FGF14: variants seen among roughly 807,000 people sequenced by gnomAD.
FGF14 encodes fibroblast growth factor homologous factor 4.
FGF14 carries 5 observed loss-of-function variants against 25.5 expected under a neutral mutation model. The ratio of observed to expected loss-of-function variants is 0.20; its 90% CI spans 0.10 to 0.41. The LOEUF is 0.41. FGF14 is among the 10% of genes least tolerant of loss of function. FGF14 has a pLI of 1.00. For synonymous variants in FGF14, 138 were observed against 118.3 expected, an observed-to-expected ratio of 1.17 and a Z score of -1.08; for missense variants, 222 against 320.1, an observed-to-expected ratio of 0.69 and a Z score of 2.34.
At chr13:101,883,855 G>A (rs1056254592) in intron 1 of FGF14, among the ~76,000 whole-genome samples, 1 of 151,708 alleles carries the variant, frequency 6.6e-6, no homozygotes, top group African/African-American at 2.4e-5. Flanking sequence ...CTGAGGTCAG[G>A]AGTTCAACAC....
intron 1 of FGF14, among the ~76,000 whole-genome samples, chr13:102,081,709 A>G (rs190385383): frequency 2.0e-5 from 3 of 152,314 alleles, no homozygotes; most frequent in East Asian, 3.9e-4. Flanking sequence ...TTACATTACT[A>G]TGACATGTGT....
At chr13:102,294,176 T>C (rs1453859198) in intron 1 of FGF14, 1 of 152,232 alleles carries the variant, frequency 6.6e-6, no homozygotes, top group African/African-American at 2.4e-5. Context: ...CATAAATCTA[T>C]GAATGATCTG....
chr13:101,985,437 G>A (rs578101601), intron 1 of FGF14, among the ~76,000 whole-genome samples: 113 of 152,058 alleles, frequency 7.4e-4, no homozygotes, highest in Admixed American at 1.2e-3. Flanking sequence ...ATGTTCCATG[G>A]ACCATGTGTT....
At chr13:101,904,437 G>A (rs547241667) in intron 1 of FGF14, among the ~76,000 whole-genome samples, 1 of 152,290 alleles carries the variant, frequency 6.6e-6, no homozygotes, top group Non-Finnish European at 1.5e-5. Flanking sequence ...TTAAAAAAGA[G>A]AAGGAATAGC....
At chr13:102,014,911 ACATT>A (rs1466635294) in intron 1 of FGF14, among the ~76,000 whole-genome samples, 1 of 152,168 alleles carries the variant, frequency 6.6e-6, no homozygotes, top group Non-Finnish European at 1.5e-5. Flanking sequence ...ATTCTGCTAA[ACATT>A]CATTTATTTA....
intron 1 of FGF14, among the ~76,000 whole-genome samples, chr13:101,943,757 T>A (rs1001822807): frequency 4.7e-5 from 7 of 150,394 alleles, no homozygotes; most frequent in African/African-American, 1.7e-4. Flanking sequence ...GCGGATCACC[T>A]GAGTTCAGGA....
intron 3 of FGF14, among the ~76,000 whole-genome samples, chr13:101,850,463 T>TAA (rs2043716071): frequency 1.4e-4 from 1 of 7,216 alleles, no homozygotes; most frequent in African/African-American, 7.4e-4. Flanking sequence ...CTAAAGGCAA[T>TAA]ATATATATAT....
At chr13:102,306,700 A>G (rs2138628826) in intron 1 of FGF14, among the ~76,000 whole-genome samples, 1 of 152,312 alleles carries the variant, frequency 6.6e-6, no homozygotes, top group African/African-American at 2.4e-5. Flanking sequence ...GAATGAAGAA[A>G]GAAATTAGCA....
At chr13:101,946,363 C>CAAAAAAAAAA (rs59866034) in intron 1 of FGF14, among the ~76,000 whole-genome samples, 2 of 91,950 alleles carry the variant, frequency 2.2e-5, no homozygotes, top group African/African-American at 7.2e-5. Context: ...GCTTCTCCAT[C>CAAAAAAAAAA]AAAAAAAAAA....
intron 1 of FGF14, among the ~76,000 whole-genome samples, chr13:102,308,684 T>C (rs2055538796): frequency 6.6e-6 from 1 of 152,046 alleles, no homozygotes; most frequent in Non-Finnish European, 1.5e-5. Flanking sequence ...ATCTGTAAAA[T>C]AAAAGGATCA....
chr13:101,961,996 T>G (rs1373016105), intron 1 of FGF14, among the ~76,000 whole-genome samples: 2 of 152,208 alleles, frequency 1.3e-5, no homozygotes, highest in Non-Finnish European at 1.5e-5. Flanking sequence ...TTGGGTAGTG[T>G]GATGCCTCCA....
intron 3 of FGF14, among the ~76,000 whole-genome samples, chr13:101,859,190 A>G (rs2044281619): frequency 1.3e-5 from 2 of 152,170 alleles, no homozygotes; most frequent in South Asian, 4.1e-4. Flanking sequence ...AAATTAATAA[A>G]ATGTACTGTG....
intron 3 of FGF14, among the ~76,000 whole-genome samples, chr13:101,750,816 T>C (rs1183098900): frequency 1.3e-5 from 2 of 152,092 alleles, no homozygotes; most frequent in Non-Finnish European, 2.9e-5. Flanking sequence ...TAGGGGAATA[T>C]ACAAACAAGC....
chr13:101,774,967 C>T (rs2039007831), intron 3 of FGF14, among the ~76,000 whole-genome samples: 1 of 129,208 alleles, frequency 7.7e-6, no homozygotes, highest in Admixed American at 8.1e-5. Flanking sequence ...GAAACTCCAT[C>T]TCAAAAAAAA....
At chr13:101,737,351 G>T (rs1261001170) in intron 3 of FGF14, among the ~76,000 whole-genome samples, 1 of 152,050 alleles carries the variant, frequency 6.6e-6, no homozygotes, top group Non-Finnish European at 1.5e-5. Flanking sequence ...GTTCTTTTAT[G>T]TCCAACGAAA....
At chr13:102,031,661 A>G (rs2041215487) in intron 1 of FGF14, among the ~76,000 whole-genome samples, 1 of 148,800 alleles carries the variant, frequency 6.7e-6, no homozygotes, top group South Asian at 2.1e-4. Flanking sequence ...TGAAAACATA[A>G]AACAGCAAAA....
intron 1 of FGF14, among the ~76,000 whole-genome samples, chr13:102,227,137 A>C (rs1026700498): frequency 2.0e-5 from 3 of 152,030 alleles, no homozygotes; most frequent in African/African-American, 7.2e-5. Flanking sequence ...AATAAAGCCT[A>C]TATTATTATT....
chr13:101,855,362 C>T (rs987276884), intron 3 of FGF14, among the ~76,000 whole-genome samples: 1 of 151,942 alleles, frequency 6.6e-6, no homozygotes, highest in Admixed American at 6.6e-5. Context: ...GTACCAAATG[C>T]TTCTAGGTAA....
intron 1 of FGF14, among the ~76,000 whole-genome samples, chr13:102,023,244 A>G (rs1478187706): frequency 6.6e-6 from 1 of 152,034 alleles, no homozygotes; most frequent in Non-Finnish European, 1.5e-5. Context: ...TCAAGGTTAT[A>G]TACCTAGAAA....
Sources: allele counts gnomAD v4.1 joint callset (sites outside exome capture counted in the v4.1 genomes callset), GRCh38; gene constraint gnomAD v4.1.1; transcripts MANE v1.5; gene names NCBI Gene and HGNC (gene_info 2026-07-23, HGNC 2026-07-21).